IFT57: variants seen among roughly 807,000 people sequenced by gnomAD.
IFT57 encodes the protein intraflagellar transport 57.
Under a neutral mutation model 56.8 loss-of-function variants are expected in IFT57, and 59 were observed. The ratio of observed to expected loss-of-function variants is 1.04; its 90% confidence interval spans 0.84 to 1.29. The LOEUF is 1.29. IFT57 is among the 50% of genes most tolerant of loss of function. The probability of loss-of-function intolerance (pLI) is 0.00; values close to 1 mark genes in which losing one functional copy is unlikely to be tolerated. For synonymous variants in IFT57, 209 were observed against 186.1 expected (o/e 1.12, Z -1.00); for missense variants, 470 against 522.1 (o/e 0.90, Z 0.97).
At chr3:108,189,970 T>C (rs1039303434) in intron 6 of IFT57, among the ~76,000 whole-genome samples, 11 of 152,228 alleles carry the variant, frequency 7.2e-5, no homozygotes, top group African/African-American at 2.2e-4. Context: ...TTTATCCTCA[T>C]TGTCTTCATG....
chr3:108,218,468 G>T, intron 3 of IFT57, 67 bp downstream of exon 3: 2 of 676,948 alleles, frequency 3.0e-6, no homozygotes, highest in East Asian at 2.9e-5. Context: ...CAATTGAACA[G>T]CTCTGTACCC....
chr3:108,171,610 T>C (rs1219972597), intron 6 of IFT57, among the ~76,000 whole-genome samples: 1 of 151,474 alleles, frequency 6.6e-6, no homozygotes, highest in Non-Finnish European at 1.5e-5. Context: ...CTACACAGAG[T>C]TGACAACGGA....
chr3:108,187,367 G>C (rs2080189869), intron 6 of IFT57, among the ~76,000 whole-genome samples: 2 of 151,974 alleles, frequency 1.3e-5, no homozygotes, highest in African/African-American at 4.8e-5. Context: ...GCAATATTAT[G>C]GTGAATATAC....
chr3:108,196,606 C>T (rs545301070), intron 5 of IFT57, among the ~76,000 whole-genome samples: 22 of 152,168 alleles, frequency 1.4e-4, no homozygotes, highest in African/African-American at 5.3e-4. Context: ...TATTTGGTTC[C>T]CTTAAGCAAC....
At chr3:108,169,025 G>A (rs1481032448) in intron 6 of IFT57, among the ~76,000 whole-genome samples, 3 of 152,006 alleles carry the variant, frequency 2.0e-5, no homozygotes, top group African/African-American at 7.2e-5. Context: ...TGGGATTGCT[G>A]GGTCAAATGG....
At chr3:108,195,342 T>C (rs1197540311) in intron 5 of IFT57, among the ~76,000 whole-genome samples, 2 of 149,294 alleles carry the variant, frequency 1.3e-5, no homozygotes, top group East Asian at 5.1e-4. Context: ...GGCAAGGATA[T>C]GGAGAAAGGG....
chr3:108,184,866 T>C (rs1214076299), intron 6 of IFT57, among the ~76,000 whole-genome samples: 1 of 152,184 alleles, frequency 6.6e-6, no homozygotes, highest in African/African-American at 2.4e-5. Context: ...TCTTCAAGTA[T>C]TTTTCATGTT....
intron 5 of IFT57, among the ~76,000 whole-genome samples, chr3:108,199,931 G>A (rs569049715): frequency 1.3e-5 from 2 of 152,282 alleles, no homozygotes; most frequent in East Asian, 3.9e-4. Context: ...GAGACAATAG[G>A]AAAGAGAAGC....
At position 108,214,757 on chromosome 3, in the gene IFT57, A is replaced by C. The variant is rs1000159594; in HGVS notation, c.495-736T>G. On this transcript the variant is annotated intron_variant, in intron 3 of 10. Transcript: ENST00000264538. ...CTTATTTGCACTTCTTTTTAGGTGA[A>C]ATGTCTATTTATACCATTTACTTTT... Among the ~76,000 whole-genome samples, 218 of 152,238 alleles carry C rather than the reference A, an allele frequency of 1.4e-3. 4 individuals carry two copies. In the East Asian group the frequency reaches 0.037, roughly 26 times the overall value.
At chr3:108,187,058 C>T (rs536064284) in intron 6 of IFT57, among the ~76,000 whole-genome samples, 1 of 152,170 alleles carries the variant, frequency 6.6e-6, no homozygotes, top group African/African-American at 2.4e-5. Context: ...TTAAAATGCA[C>T]AGGGGTTGGC....
At chr3:108,191,494 T>TTA (rs1576040193) in intron 6 of IFT57, 27 bp downstream of exon 6, 3 of 1,503,726 alleles carry the variant, frequency 2.0e-6, no homozygotes, top group Non-Finnish European at 8.9e-7. Context: ...TTTTTTTTTT[T>TTA]AAGAAAATGT....
intron 3 of IFT57, among the ~76,000 whole-genome samples, chr3:108,217,696 A>G (rs897360800): frequency 3.3e-5 from 5 of 151,232 alleles, no homozygotes; most frequent in African/African-American, 9.7e-5. Flanking sequence ...GTGTGTGTGT[A>G]TATAATCTTT....
Position 108,161,903 on chromosome 3 carries a change from C to A in IFT57, c.*574G>T, listed in dbSNP as rs2108305842. 1 of 152,210 alleles carries A rather than the reference C, an allele frequency of 6.6e-6. No individual in the cohort carries two copies. The highest frequency in any genetic ancestry group is 1.9e-4 in the East Asian group (1 of 5,186). The allele number at this position is 152,210 out of a possible 1,614,324, so 9.4% of individuals were successfully genotyped here. ...TGGCTTAGATCCTAGAAGATAGATT[C>A]CCTATAAAATCATTTTAGCCACGAA... On this transcript the variant is annotated 3_prime_UTR_variant, in exon 11 of 11. Transcript: ENST00000264538.
intron 9 of IFT57, among the ~76,000 whole-genome samples, chr3:108,164,426 A>G (rs1340792344): frequency 6.6e-6 from 1 of 152,068 alleles, no homozygotes. Context: ...ATCTACAACT[A>G]AGCTATAATT....
At chr3:108,186,752 C>A (rs1020274161) in intron 6 of IFT57, among the ~76,000 whole-genome samples, 4 of 152,100 alleles carry the variant, frequency 2.6e-5, no homozygotes, top group African/African-American at 9.7e-5. Context: ...CCTCTGCCAC[C>A]CCTGAGACAG....
At chr3:108,195,857 T>C (rs1409059207) in intron 5 of IFT57, among the ~76,000 whole-genome samples, 1 of 152,128 alleles carries the variant, frequency 6.6e-6, no homozygotes, top group Non-Finnish European at 1.5e-5. Context: ...TGAATGGTTA[T>C]TGGGTATGAA....
chr3:108,206,895 G>C (rs1165506564), intron 4 of IFT57, among the ~76,000 whole-genome samples, 199 bp from the exon 5 acceptor site: 2 of 151,958 alleles, frequency 1.3e-5, no homozygotes, highest in Non-Finnish European at 2.9e-5. Context: ...TTGAGGTTTT[G>C]ATGGTACTAC....
rs2080393354 is a variant in IFT57 at position 108,219,557 on chromosome 3, C to T, written c.228G>A (p.Leu76=). 3.8e-5 allele frequency: 62 copies of T among 1,613,748 alleles called. No individual in the cohort carries two copies. The highest frequency in any genetic ancestry group is 5.3e-5 in the Non-Finnish European group (62 of 1,179,778). Residue 76 remains leucine (L), a synonymous_variant, in exon 2 of 11, where the codon CTG becomes CTA. Coordinates refer to ENST00000264538, the MANE Select transcript of IFT57 (RefSeq NM_018010.4). Reference sequence around the variant, plus strand: ...AGAACTGTTCGCCAGGGTTGGTAGGCAGTGCAAAATAGTGTCTGTTTCAAA... The same window carrying T: ...AGAACTGTTCGCCAGGGTTGGTAGGTAGTGCAAAATAGTGTCTGTTTCAAA... ...LKAPSRHYFA[L]PTNPGEQFYM... is the part of the protein sequence containing the mutation.
At chr3:108,191,007 G>C (rs1332837276) in intron 6 of IFT57, among the ~76,000 whole-genome samples, 3 of 152,120 alleles carry the variant, frequency 2.0e-5, no homozygotes, top group Non-Finnish European at 2.9e-5. Flanking sequence ...TGGCCAGGCT[G>C]GTCTCGAACT....
Sources: gnomAD v4.1 joint callset for allele counts (sites outside exome capture counted in the v4.1 genomes callset) on GRCh38, gnomAD v4.1.1 for gene constraint, MANE v1.5 for transcripts, NCBI Gene and HGNC (gene_info 2026-07-23, HGNC 2026-07-21) for gene names.